The following TSHZ2 variants were observed in gnomAD, a reference collection of about 807,000 sequenced individuals.
TSHZ2 encodes teashirt homolog 2.
A neutral mutation model predicts 74.4 loss-of-function variants in TSHZ2; 21 were observed. The ratio of observed to expected loss-of-function variants is 0.28; its 90% CI spans 0.20 to 0.41. TSHZ2 has a LOEUF of 0.41. Among genes scored for constraint, TSHZ2 ranks in the 10% least tolerant of loss-of-function variants. The pLI is 1.00. For missense variants in TSHZ2, 1,244 were observed against 1,293.5 expected (o/e 0.96, Z 0.59); for synonymous variants, 540 against 515.3 (o/e 1.05, Z -0.65).
In TSHZ2 at chr20:53,164,155, C is replaced by A. The variant is rs184660089; in HGVS notation, c.41-89344C>A. Among the ~76,000 whole-genome samples, 723 of 151,606 alleles carry A rather than the reference C, an allele frequency of 4.8e-3. 2 individuals are homozygous for A. Among genetic ancestry groups the A allele is most frequent in the South Asian group, 0.012 (60 of 4,806 alleles). On this transcript the variant is annotated intron_variant, in intron 1 of 2. Transcript: ENST00000371497. ...CTTCTATTTTTTTTTTAGCTATTAT[C>A]CTAAAATAGATTGGAATTAGTTTTA...
intron 1 of TSHZ2, among the ~76,000 whole-genome samples, chr20:53,223,929 AC>A (rs1389496896): frequency 6.7e-6 from 1 of 148,304 alleles, no homozygotes; most frequent in South Asian, 2.2e-4. Context: ...ACACACACAC[AC>A]ACCCCTAAGT....
chr20:53,400,674 T>C (rs531212691), intron 2 of TSHZ2, among the ~76,000 whole-genome samples: 2 of 152,252 alleles, frequency 1.3e-5, no homozygotes, highest in South Asian at 4.2e-4. Context: ...CTTCCTCTAA[T>C]GGAAAAGCCT....
intron 2 of TSHZ2, among the ~76,000 whole-genome samples, chr20:53,320,935 C>A (rs1378864247): frequency 6.6e-6 from 1 of 152,154 alleles, no homozygotes; most frequent in African/African-American, 2.4e-5. Flanking sequence ...ATTAGCTGGC[C>A]AGTGCCCATG....
At chr20:53,067,717 G>C (rs533907300) in intron 1 of TSHZ2, among the ~76,000 whole-genome samples, 41 of 152,266 alleles carry the variant, frequency 2.7e-4, no homozygotes, top group African/African-American at 9.9e-4. Flanking sequence ...GATAGATACG[G>C]TCACTTTCTT....
intron 1 of TSHZ2, among the ~76,000 whole-genome samples, chr20:52,993,910 T>C (rs1391022389): frequency 6.6e-6 from 1 of 152,150 alleles, no homozygotes; most frequent in African/African-American, 2.4e-5. Context: ...AAGGGAAGTT[T>C]GTGGGGTGAG....
chr20:53,332,515 A>G (rs1430716819), intron 2 of TSHZ2, among the ~76,000 whole-genome samples: 1 of 152,056 alleles, frequency 6.6e-6, no homozygotes, highest in Admixed American at 6.5e-5. Context: ...GGATGAGGAG[A>G]ACCCAAAGTA....
At chr20:53,244,814 C>T (rs1039876778) in intron 1 of TSHZ2, among the ~76,000 whole-genome samples, 3 of 152,206 alleles carry the variant, frequency 2.0e-5, no homozygotes, top group Non-Finnish European at 2.9e-5. Flanking sequence ...TTGTACATCA[C>T]TTTCTACGGA....
chr20:53,406,724 G>T (rs1288507874), intron 2 of TSHZ2, among the ~76,000 whole-genome samples: 1 of 152,170 alleles, frequency 6.6e-6, no homozygotes, highest in Non-Finnish European at 1.5e-5. Context: ...CCCAAATAAT[G>T]ACAGAAGAGC....
Position 53,474,823 on chromosome 20 carries a change from C to A in TSHZ2, c.*9-12321C>A, listed in dbSNP as rs923173098. On this transcript the variant is annotated intron_variant, in intron 2 of 2. Transcript: ENST00000371497. ...AAAGGATGGAGGAAGATCTACCAAGCAAATGGAAAACAAAAAAAGGCAGGG... is the reference window on the plus strand; with the variant it reads ...AAAGGATGGAGGAAGATCTACCAAGAAAATGGAAAACAAAAAAAGGCAGGG... Among the ~76,000 whole-genome samples, 147 of 140,610 alleles carry A rather than the reference C, an allele frequency of 1.0e-3. 1 individual carries two copies. The highest frequency in any genetic ancestry group is 3.9e-3 in the African/African-American group (140 of 36,302). 92.2% of individuals were successfully genotyped at this position (140,610 alleles called of 152,430 possible).
intron 1 of TSHZ2, among the ~76,000 whole-genome samples, chr20:53,140,105 A>C (rs1987350568): frequency 6.6e-6 from 1 of 152,204 alleles, no homozygotes; most frequent in African/African-American, 2.4e-5. Context: ...AAGACAGAAC[A>C]GCTTTTACCC....
intron 1 of TSHZ2, among the ~76,000 whole-genome samples, chr20:53,145,147 T>TC (rs1289171997): frequency 6.6e-6 from 1 of 152,132 alleles, no homozygotes; most frequent in Non-Finnish European, 1.5e-5. Context: ...GTTCGCCTCA[T>TC]CCCAAGGTTC....
In TSHZ2 at chr20:53,205,193, G is replaced by A. The variant is rs143445925; in HGVS notation, c.41-48306G>A. Among the ~76,000 whole-genome samples, 74 of 152,072 alleles carry A rather than the reference G, an allele frequency of 4.9e-4. 1 individual carries two copies. The highest frequency in any genetic ancestry group is 6.6e-4 in the Non-Finnish European group (45 of 68,016). ...TACAGGTTTTCAGATAATAAAGCCCGAGCAATTAACCACTGTGCTAAGCAA... is the reference window on the plus strand; with the variant it reads ...TACAGGTTTTCAGATAATAAAGCCCAAGCAATTAACCACTGTGCTAAGCAA... On this transcript the variant is annotated intron_variant, in intron 1 of 2. Coordinates refer to ENST00000371497, the MANE Select transcript of TSHZ2 (RefSeq NM_173485.6).
chr20:53,054,638 G>A (rs995307482), intron 1 of TSHZ2, among the ~76,000 whole-genome samples: 1 of 152,166 alleles, frequency 6.6e-6, no homozygotes, highest in South Asian at 2.1e-4. Flanking sequence ...GCCGCCCTAG[G>A]AGGGGTTCTA....
chr20:53,316,562 T>A (rs534526541), intron 2 of TSHZ2, among the ~76,000 whole-genome samples: 66 of 149,454 alleles, frequency 4.4e-4, no homozygotes, highest in South Asian at 2.1e-3. Context: ...CACGTGCATT[T>A]CAAAATAGTA....
At chr20:53,433,584 G>GACACACAGACACACAC (rs377070953) in intron 2 of TSHZ2, among the ~76,000 whole-genome samples, 3 of 137,074 alleles carry the variant, frequency 2.2e-5, no homozygotes, top group East Asian at 2.1e-4. Flanking sequence ...CAGACACACA[G>GACACACAGACACACAC]ACACACACAC....
intron 2 of TSHZ2, among the ~76,000 whole-genome samples, chr20:53,408,055 C>A (rs1306191467): frequency 6.6e-6 from 1 of 152,114 alleles, no homozygotes; most frequent in Admixed American, 6.5e-5. Flanking sequence ...AACATGAGAC[C>A]CTCTGAGTTA....
chr20:53,065,034 C>T (rs899946414), intron 1 of TSHZ2, among the ~76,000 whole-genome samples: 15 of 152,178 alleles, frequency 9.9e-5, no homozygotes, highest in South Asian at 2.1e-4. Context: ...ATTCGAAAAT[C>T]GGTACATAAG....
chr20:53,029,754 A>G (rs1280630073), intron 1 of TSHZ2, among the ~76,000 whole-genome samples: 1 of 152,224 alleles, frequency 6.6e-6, no homozygotes, highest in Non-Finnish European at 1.5e-5. Flanking sequence ...GGCGAGGTGA[A>G]CAAGCAAGTT....
intron 1 of TSHZ2, among the ~76,000 whole-genome samples, chr20:53,200,096 A>T (rs1988964559): frequency 1.3e-5 from 2 of 152,202 alleles, no homozygotes; most frequent in Admixed American, 6.5e-5. Flanking sequence ...ATTATGGAAC[A>T]CCAAGACGCT....
Sources: gnomAD v4.1 joint callset for allele counts (sites outside exome capture counted in the v4.1 genomes callset) on GRCh38, gnomAD v4.1.1 for gene constraint, MANE v1.5 for transcripts, NCBI Gene and HGNC (gene_info 2026-07-23, HGNC 2026-07-21) for gene names.